IL15: variants seen among roughly 807,000 people sequenced by gnomAD.
IL15 encodes interleukin 15, also known as interleukin-15.
IL15 carries 11 observed loss-of-function variants against 19.6 expected under a neutral mutation model. The observed-to-expected ratio is 0.56, with a 90% CI of 0.35 to 0.93. The LOEUF is 0.93. IL15 is among the 40% of genes least tolerant of loss of function. The pLI, the probability that IL15 is intolerant of heterozygous loss-of-function variation, is 0.01. For missense variants in IL15, 197 were observed against 186.5 expected (o/e 1.06, Z -0.33); for synonymous variants, 58 against 59.6 (o/e 0.97, Z 0.12).
At chr4:141,699,070 G>C (rs1729195444) in intron 2 of IL15, among the ~76,000 whole-genome samples, 1 of 151,960 alleles carries the variant, frequency 6.6e-6, no homozygotes, top group African/African-American at 2.4e-5. Context: ...TTTCCATCTT[G>C]ATTTTATTGT....
At chr4:141,689,965 C>T (rs1248307933) in intron 2 of IL15, among the ~76,000 whole-genome samples, 1 of 152,206 alleles carries the variant, frequency 6.6e-6, no homozygotes, top group Non-Finnish European at 1.5e-5. Flanking sequence ...GGGTGGGAGG[C>T]TCAGGCATGG....
chr4:141,703,624 T>C (rs1156628954), intron 2 of IL15, among the ~76,000 whole-genome samples: 1 of 151,978 alleles, frequency 6.6e-6, no homozygotes, highest in East Asian at 1.9e-4. Flanking sequence ...TTATTTTTTT[T>C]CCTATCTCAT....
At chr4:141,718,707 T>C in intron 2 of IL15, 1 of 152,188 alleles carries the variant, frequency 6.6e-6, no homozygotes, top group East Asian at 1.9e-4. Context: ...TCAGTGAATA[T>C]TTATGTCATG....
intron 7 of IL15, among the ~76,000 whole-genome samples, chr4:141,731,249 C>T (rs1034033764): frequency 1.3e-5 from 2 of 152,100 alleles, no homozygotes; most frequent in Non-Finnish European, 2.9e-5. Flanking sequence ...CACTCCCTGT[C>T]CCCTTCTCTG....
intron 1 of IL15, among the ~76,000 whole-genome samples, chr4:141,641,722 A>C: frequency 6.6e-6 from 1 of 150,888 alleles, no homozygotes; most frequent in Non-Finnish European, 1.5e-5. Context: ...GGATAGCATT[A>C]GGAGATATAC....
chr4:141,665,513 G>A (rs1416967116), intron 2 of IL15, among the ~76,000 whole-genome samples: 1 of 152,064 alleles, frequency 6.6e-6, no homozygotes, highest in Non-Finnish European at 1.5e-5. Flanking sequence ...ACGGATCATA[G>A]TGTCAAGTTC....
chr4:141,712,099 T>G (rs1252870888), intron 2 of IL15, among the ~76,000 whole-genome samples: 1 of 152,136 alleles, frequency 6.6e-6, no homozygotes, highest in African/African-American at 2.4e-5. Context: ...TATGACTGTT[T>G]TGATTGTTTC....
chr4:141,662,924 A>G (rs111845378), intron 2 of IL15, among the ~76,000 whole-genome samples: 1 of 152,204 alleles, frequency 6.6e-6, no homozygotes, highest in African/African-American at 2.4e-5. Flanking sequence ...TAAGTTTGAT[A>G]AAAATTTCAC....
rs1189079379 is a variant in IL15, at chr4:141,656,217, T to C, written c.-190T>C. ...TTCCAATATATGGCCATGTGGCTCT[T>C]TGGAGCAATGTTCCATCATGTTCCA... On this transcript the variant is annotated 5_prime_UTR_variant, in exon 2 of 8. Transcript: ENST00000320650. The C allele has an allele frequency of 2.5e-6, 1 of 398,456 alleles. No individual in the cohort carries two copies. Among genetic ancestry groups the C allele is most frequent in the Non-Finnish European group, 4.4e-6 (1 of 225,944 alleles). The allele number at this position is 398,456 out of a possible 1,614,324, so 24.7% of individuals were successfully genotyped here.
chr4:141,648,970 C>A (rs1727318086), intron 1 of IL15, among the ~76,000 whole-genome samples: 1 of 152,102 alleles, frequency 6.6e-6, no homozygotes, highest in South Asian at 2.1e-4. Context: ...AGACGCAGCA[C>A]ATTTGATTCT....
chr4:141,664,644 T>C (rs1244638677), intron 2 of IL15, among the ~76,000 whole-genome samples: 1 of 152,202 alleles, frequency 6.6e-6, no homozygotes, highest in Non-Finnish European at 1.5e-5. Flanking sequence ...CCAGTTGTTA[T>C]TTGATTTTAT....
At chr4:141,686,241 G>A (rs1337988268) in intron 2 of IL15, among the ~76,000 whole-genome samples, 1 of 151,782 alleles carries the variant, frequency 6.6e-6, no homozygotes, top group Non-Finnish European at 1.5e-5. Flanking sequence ...GTTGCAGTAA[G>A]CCGAGATCAT....
chr4:141,731,651 T>C (rs1284234361), intron 7 of IL15, among the ~76,000 whole-genome samples: 1 of 152,198 alleles, frequency 6.6e-6, no homozygotes, highest in Non-Finnish European at 1.5e-5. Flanking sequence ...CAGTTGATTA[T>C]GTCAGTTGAG....
chr4:141,675,801 G>A (rs988965425), intron 2 of IL15, among the ~76,000 whole-genome samples: 3 of 152,148 alleles, frequency 2.0e-5, no homozygotes, highest in African/African-American at 7.2e-5. Context: ...ACAACAGCAG[G>A]TGCAAAAACC....
intron 2 of IL15, among the ~76,000 whole-genome samples, chr4:141,710,693 T>C (rs1366325191): frequency 6.6e-6 from 1 of 152,158 alleles, no homozygotes; most frequent in Non-Finnish European, 1.5e-5. Context: ...CTGTCCCCAC[T>C]ACCTCTACTA....
intron 6 of IL15, 120 bp from the exon 7 acceptor site, chr4:141,729,726 CT>C: frequency 1.7e-6 from 1 of 581,966 alleles, no homozygotes; most frequent in Admixed American, 3.4e-5. Flanking sequence ...TGTAAAATTT[CT>C]TAAGGATATT....
At chr4:141,702,469 C>T (rs1366406401) in intron 2 of IL15, among the ~76,000 whole-genome samples, 2 of 152,138 alleles carry the variant, frequency 1.3e-5, no homozygotes, top group South Asian at 2.1e-4. Flanking sequence ...AGGGGAGTGA[C>T]GTAGACTGAG....
intron 5 of IL15, among the ~76,000 whole-genome samples, chr4:141,727,132 A>G (rs116550828): frequency 6.8e-4 from 104 of 152,272 alleles, no homozygotes; most frequent in African/African-American, 2.4e-3. Flanking sequence ...GATGGGTGGC[A>G]TTATACATTT....
chr4:141,718,807 A>C (rs1173735432), intron 2 of IL15: 1 of 152,096 alleles, frequency 6.6e-6, no homozygotes, highest in Non-Finnish European at 1.5e-5. Context: ...ATTTTTGTAT[A>C]TTTTGGTTAT....
Sources: gnomAD v4.1 joint callset for allele counts (sites outside exome capture counted in the v4.1 genomes callset) on GRCh38, gnomAD v4.1.1 for gene constraint, MANE v1.5 for transcripts, NCBI Gene and HGNC (gene_info 2026-07-23, HGNC 2026-07-21) for gene names.